The following CDH13 variants were observed in gnomAD, a reference collection of about 807,000 sequenced individuals.
The protein encoded by CDH13 is cadherin-13.
CDH13 carries 24 observed loss-of-function variants against 63.8 expected under a neutral mutation model. The ratio of observed to expected loss-of-function variants is 0.38; its 90% confidence interval spans 0.27 to 0.53. The LOEUF is 0.53. Among genes scored for constraint, CDH13 ranks in the 20% least tolerant of loss-of-function variants. The pLI is 0.85. For missense variants in CDH13, 1,049 were observed against 903.1 expected (o/e 1.16, Z -2.07); for synonymous variants, 503 against 355.3 (o/e 1.42, Z -4.67).
intron 6 of CDH13, among the ~76,000 whole-genome samples, chr16:83,388,283 G>GA (rs549786649): frequency 0.026 from 2,956 of 115,478 alleles, 42 homozygotes; most frequent in Non-Finnish European, 0.032. Context: ...CCTCTCTCTG[G>GA]AAAAAAAAAA....
At position 82,644,073 on chromosome 16, in the gene CDH13, G is replaced by T. The variant is rs766037608; in HGVS notation, c.45+16936G>T. ...TAGGATGGGGGGTGGTATGGAGGTC[G>T]GGTGGGGAGAAAGAGGAGAGAAATC... On this transcript the variant is annotated intron_variant, in intron 1 of 13. Transcript: ENST00000567109. This position sits in a 1 kb window ranked among gnomAD's most constrained non-coding sequence, Gnocchi z 5.7. 2.0e-5 allele frequency among the ~76,000 whole-genome samples: 3 copies of T among 152,096 alleles called. No homozygotes were observed. The highest frequency in any genetic ancestry group is 6.6e-5 in the Admixed American group (1 of 15,262).
intron 2 of CDH13, among the ~76,000 whole-genome samples, chr16:82,921,009 A>T (rs2042137102): frequency 6.6e-6 from 1 of 152,062 alleles, no homozygotes; most frequent in African/African-American, 2.4e-5. Flanking sequence ...TTTGTCCTCT[A>T]GTCTATTAAT....
chr16:83,419,824 A>T (rs1446951656), intron 6 of CDH13, among the ~76,000 whole-genome samples: 1 of 152,124 alleles, frequency 6.6e-6, no homozygotes, highest in Non-Finnish European at 1.5e-5. Context: ...ACCTAAAATT[A>T]TTGAACATCT....
intron 4 of CDH13, among the ~76,000 whole-genome samples, chr16:83,212,973 C>A (rs1196502833): frequency 2.6e-5 from 4 of 152,204 alleles, no homozygotes; most frequent in Non-Finnish European, 4.4e-5. Flanking sequence ...TCCCATAGGG[C>A]CTCTCACTCT....
intron 5 of CDH13, among the ~76,000 whole-genome samples, chr16:83,323,346 G>C (rs1423160804): frequency 6.7e-6 from 1 of 148,818 alleles, no homozygotes; most frequent in Non-Finnish European, 1.5e-5. Flanking sequence ...CACGATCTTA[G>C]TTCACTGCAA....
At chr16:82,973,045 C>T (rs1221985278) in intron 2 of CDH13, among the ~76,000 whole-genome samples, 1 of 152,156 alleles carries the variant, frequency 6.6e-6, no homozygotes, top group African/African-American at 2.4e-5. Flanking sequence ...TTTACTGCCA[C>T]TTTTTGAAAT....
At chr16:83,184,257 G>T (rs1339721926) in intron 4 of CDH13, among the ~76,000 whole-genome samples, 1 of 151,956 alleles carries the variant, frequency 6.6e-6, no homozygotes, top group Non-Finnish European at 1.5e-5. Context: ...TTTCTCTACG[G>T]TGCTTTTATT....
chr16:82,761,017 C>CTTTTTTTTTTTTTTTTTTTTTTTTTTTTT lies in CDH13; in HGVS notation c.46-97344_46-97316dup, dbSNP rs35038319. ...CTCTGGGGTTCACATTTCTTTCTTT[C>CTTTTTTTTTTTTTTTTTTTTTTTTTTTTT]TTTTTTTTTTTTTTTTTTTTTTTTT... On this transcript the variant is annotated intron_variant, in intron 1 of 13. Transcript: ENST00000567109. Among the ~76,000 whole-genome samples the CTTTTTTTTTTTTTTTTTTTTTTTTTTTTT allele has an allele frequency of 1.1e-3, 43 of 40,486 alleles. 11 individuals are homozygous for CTTTTTTTTTTTTTTTTTTTTTTTTTTTTT. The highest frequency in any genetic ancestry group is 1.3e-3 in the African/African-American group (15 of 11,230). 26.6% of individuals were successfully genotyped at this position (40,486 alleles called of 152,430 possible).
At chr16:82,941,293 A>T (rs1430284710) in intron 2 of CDH13, among the ~76,000 whole-genome samples, 1 of 152,216 alleles carries the variant, frequency 6.6e-6, no homozygotes. Flanking sequence ...ACTGCATGCC[A>T]ACTGGGATCT....
At chr16:83,704,682 T>C (rs1205805071) in intron 10 of CDH13, among the ~76,000 whole-genome samples, 2 of 152,238 alleles carry the variant, frequency 1.3e-5, no homozygotes, top group African/African-American at 2.4e-5. Flanking sequence ...GAATTGAATT[T>C]AAGCTCTGAT....
chr16:82,694,400 T>A (rs2030004277), intron 1 of CDH13, among the ~76,000 whole-genome samples: 1 of 152,236 alleles, frequency 6.6e-6, no homozygotes, highest in East Asian at 1.9e-4. Context: ...CAGCACTTTT[T>A]TCTGTGTCAA....
At chr16:83,516,790 T>C (rs1030108051) in intron 7 of CDH13, among the ~76,000 whole-genome samples, 1 of 152,220 alleles carries the variant, frequency 6.6e-6, no homozygotes, top group African/African-American at 2.4e-5. Flanking sequence ...CAAAAAGATA[T>C]TGCAAATGAT....
intron 4 of CDH13, among the ~76,000 whole-genome samples, chr16:83,156,385 C>T (rs145422001): frequency 1.3e-5 from 2 of 152,112 alleles, no homozygotes; most frequent in Admixed American, 1.3e-4. Flanking sequence ...ATTTTCCTTT[C>T]AAGAGTCTAA....
chr16:83,703,653 C>T (rs1197863734), intron 10 of CDH13, among the ~76,000 whole-genome samples: 1 of 152,208 alleles, frequency 6.6e-6, no homozygotes, highest in African/African-American at 2.4e-5. Flanking sequence ...TTCACACTGT[C>T]TTGTATTATC....
intron 3 of CDH13, among the ~76,000 whole-genome samples, chr16:83,072,488 C>T (rs939656655): frequency 4.6e-5 from 7 of 152,136 alleles, no homozygotes; most frequent in African/African-American, 1.7e-4. Context: ...TTAGAAATGC[C>T]TGTCCTCTCT....
intron 1 of CDH13, among the ~76,000 whole-genome samples, chr16:82,787,803 G>T (rs138648187): frequency 7.9e-6 from 1 of 126,822 alleles, no homozygotes; most frequent in Non-Finnish European, 1.7e-5. Context: ...GAATTAAGTT[G>T]TATTCCACGG....
chr16:83,171,022 G>A (rs72800275), intron 4 of CDH13, among the ~76,000 whole-genome samples: 24,310 of 151,910 alleles, frequency 0.16, 2,062 homozygotes, highest in South Asian at 0.19. Context: ...AGCTGTATTA[G>A]GCCATTCTCA....
At chr16:83,035,356 G>T (rs1916753219) in intron 3 of CDH13, among the ~76,000 whole-genome samples, 1 of 152,172 alleles carries the variant, frequency 6.6e-6, no homozygotes, top group African/African-American at 2.4e-5. Context: ...TGCATTTGGA[G>T]AGGGGAGAGG....
chr16:83,473,034 C>T (rs1262589230), intron 6 of CDH13, among the ~76,000 whole-genome samples: 1 of 152,160 alleles, frequency 6.6e-6, no homozygotes, highest in African/African-American at 2.4e-5. Flanking sequence ...GAAAAAGCTA[C>T]CCCAGTCTGT....
Sources: gnomAD v4.1 joint callset for allele counts (sites outside exome capture counted in the v4.1 genomes callset) on GRCh38, gnomAD v4.1.1 for gene constraint, Gnocchi (gnomAD v3.1) non-coding constraint, MANE v1.5 for transcripts, NCBI Gene and HGNC (gene_info 2026-07-23, HGNC 2026-07-21) for gene names.